Variants in MAST4 observed in about 807,000 individuals in gnomAD.
MAST4 encodes microtubule-associated serine/threonine-protein kinase 4.
Under a neutral mutation model 162.7 loss-of-function variants are expected in MAST4, and 89 were observed. The observed-to-expected ratio is 0.55, with a 90% CI of 0.46 to 0.65. MAST4 has a LOEUF of 0.65. MAST4 is among the 30% of genes least tolerant of loss of function. MAST4 has a pLI of 0.00. For synonymous variants in MAST4, 1,479 were observed against 1,361.1 expected (o/e 1.09, Z -1.91); for missense variants, 3,153 against 3,374.0 (o/e 0.93, Z 1.62).
chr5:67,001,168 C>T lies in MAST4; in HGVS notation c.675-53236C>T, dbSNP rs115934724. 4.8e-3 allele frequency among the ~76,000 whole-genome samples: 726 copies of T among 152,190 alleles called. 10 individuals are homozygous for T. Among genetic ancestry groups the T allele is most frequent in the African/African-American group, 0.016 (655 of 41,524 alleles). ...CTGCAGTCGCAACTATAGTTTCTGC[C>T]CATATAATTATTTTGTAGGAAAATG... On this transcript the variant is annotated intron_variant, in intron 4 of 28. Coordinates refer to ENST00000403625, the MANE Select transcript of MAST4 (RefSeq NM_001164664.2).
At chr5:66,701,741 T>A (rs1485022531) in intron 1 of MAST4, among the ~76,000 whole-genome samples, 2 of 152,198 alleles carry the variant, frequency 1.3e-5, no homozygotes, top group Non-Finnish European at 2.9e-5. Flanking sequence ...TTGAGTGAGT[T>A]GCTTCAGGTT....
intron 7 of MAST4, among the ~76,000 whole-genome samples, chr5:67,096,047 T>C (rs1764428925): frequency 6.6e-6 from 1 of 152,124 alleles, no homozygotes; most frequent in Admixed American, 6.5e-5. Context: ...AGACTGGGTC[T>C]TTCTTCCTAT....
chr5:66,599,061 G>A (rs6449826), intron 1 of MAST4, among the ~76,000 whole-genome samples: 16,270 of 152,126 alleles, frequency 0.11, 1,114 homozygotes, highest in East Asian at 0.27. Context: ...CTTAACCTGC[G>A]GCATGGGATG....
intron 1 of MAST4, among the ~76,000 whole-genome samples, chr5:66,651,376 C>T (rs1294354954): frequency 6.6e-6 from 1 of 151,972 alleles, no homozygotes. Context: ...CCCCTGAGGA[C>T]CTTCGTCTGA....
At chr5:66,862,004 C>T (rs1272923563) in intron 3 of MAST4, among the ~76,000 whole-genome samples, 1 of 152,134 alleles carries the variant, frequency 6.6e-6, no homozygotes, top group East Asian at 1.9e-4. Flanking sequence ...TGCTATCCTA[C>T]CCCAATCCGC....
intron 4 of MAST4, among the ~76,000 whole-genome samples, chr5:67,009,652 A>G (rs999199081): frequency 6.6e-6 from 1 of 152,226 alleles, no homozygotes; most frequent in Non-Finnish European, 1.5e-5. Flanking sequence ...TTAGCTGTTA[A>G]TATTACTGCT....
rs1433766005 is a variant in MAST4, at chr5:67,164,684, G to C, written c.5505G>C (p.Val1835=). The change falls in exon 29 of 29, where the codon GTG becomes GTC. Residue 1835 remains valine (V), a synonymous_variant. Coordinates refer to ENST00000403625, the MANE Select transcript of MAST4 (RefSeq NM_001164664.2). The surrounding 1 kb of genome is among the most constrained non-coding windows in gnomAD (Gnocchi z 5.3). The part of the protein sequence containing the change: ...SAQSPSPSGD[V]RASVPPVLPS... ...AGAGCCCCAGCCCAAGTGGTGACGT[G>C]AGGGCCTCTGTGCCACCAGTTCTCC... The C allele has an allele frequency of 6.2e-7, 1 of 1,614,002 alleles. No homozygotes were observed. The highest frequency in any genetic ancestry group is 1.7e-5 in the Admixed American group (1 of 60,030).
intron 4 of MAST4, among the ~76,000 whole-genome samples, chr5:66,935,268 C>T (rs778232873): frequency 3.3e-5 from 5 of 152,196 alleles, no homozygotes; most frequent in Non-Finnish European, 5.9e-5. Context: ...CCCCATTTCT[C>T]AACTTGCGGT....
intron 2 of MAST4, among the ~76,000 whole-genome samples, chr5:66,765,839 G>T (rs996734016): frequency 1.3e-5 from 2 of 151,802 alleles, no homozygotes; most frequent in African/African-American, 4.8e-5. Context: ...TTAAAGACGA[G>T]AAAATAACCA....
chr5:66,721,119 T>C (rs893138279), intron 1 of MAST4, among the ~76,000 whole-genome samples: 4 of 152,212 alleles, frequency 2.6e-5, no homozygotes, highest in African/African-American at 9.6e-5. Flanking sequence ...CCTTCTCTCC[T>C]GCATTGTGCG....
chr5:66,876,716 A>T (rs763566909), intron 3 of MAST4, among the ~76,000 whole-genome samples: 2 of 152,154 alleles, frequency 1.3e-5, no homozygotes, highest in South Asian at 4.1e-4. Flanking sequence ...AGCGGCCTCA[A>T]TCCTAAAGAG....
chr5:66,635,180 G>T (rs1410724685), intron 1 of MAST4, among the ~76,000 whole-genome samples: 1 of 152,172 alleles, frequency 6.6e-6, no homozygotes, highest in African/African-American at 2.4e-5. Context: ...GTCCACAGGG[G>T]ACTCAGGCTC....
intron 1 of MAST4, among the ~76,000 whole-genome samples, chr5:66,716,504 C>A (rs549971894): frequency 1.3e-5 from 2 of 151,812 alleles, no homozygotes; most frequent in South Asian, 4.2e-4. Context: ...CATCACCGTG[C>A]CCAGCTAATT....
chr5:66,928,241 T>C (rs539376400), intron 4 of MAST4, among the ~76,000 whole-genome samples: 1 of 152,340 alleles, frequency 6.6e-6, no homozygotes, highest in South Asian at 2.1e-4. Context: ...TATCTGCCAG[T>C]AGACATGGCC....
chr5:66,866,598 T>C (rs549635783), intron 3 of MAST4, among the ~76,000 whole-genome samples: 1 of 152,346 alleles, frequency 6.6e-6, no homozygotes, highest in African/African-American at 2.4e-5. Context: ...TAGTGCCTAT[T>C]TGTAATGGCT....
intron 1 of MAST4, among the ~76,000 whole-genome samples, chr5:66,722,259 TC>T (rs1173599671): frequency 6.6e-6 from 1 of 152,158 alleles, no homozygotes; most frequent in African/African-American, 2.4e-5. Flanking sequence ...CCATATGCTT[TC>T]CGTGTTTTTT....
intron 1 of MAST4, among the ~76,000 whole-genome samples, chr5:66,680,606 A>G (rs1320903734): frequency 6.6e-6 from 1 of 152,176 alleles, no homozygotes; most frequent in Middle Eastern, 3.2e-3. Flanking sequence ...TTACTGAACA[A>G]ACAAGCTGTG....
chr5:66,866,688 G>A (rs1271443857), intron 3 of MAST4, among the ~76,000 whole-genome samples: 1 of 152,182 alleles, frequency 6.6e-6, no homozygotes, highest in Non-Finnish European at 1.5e-5. Context: ...GAGTAGATAA[G>A]TTTATTCTTC....
At chr5:67,074,221 CAAAT>C (rs975750110) in intron 5 of MAST4, among the ~76,000 whole-genome samples, 1 of 151,868 alleles carries the variant, frequency 6.6e-6, no homozygotes, top group African/African-American at 2.4e-5. Context: ...TCTTATTAAT[CAAAT>C]AAATGTACAT....
Sources: gnomAD v4.1 joint callset for allele counts (sites outside exome capture counted in the v4.1 genomes callset) on GRCh38, gnomAD v4.1.1 for gene constraint, Gnocchi (gnomAD v3.1) non-coding constraint, MANE v1.5 for transcripts, NCBI Gene and HGNC (gene_info 2026-07-23, HGNC 2026-07-21) for gene names.